AKAP12: variants seen among roughly 807,000 people sequenced by gnomAD.
AKAP12 encodes A-kinase anchoring protein 12, also known as A-kinase anchor protein 12.
Under a neutral mutation model 79.9 loss-of-function variants are expected in AKAP12, and 32 were observed. The ratio of observed to expected loss-of-function variants is 0.40; its 90% CI spans 0.30 to 0.54. The LOEUF is 0.54. Ranked by LOEUF, AKAP12 falls within the 20% of genes least tolerant of loss-of-function variation. AKAP12 has a pLI of 0.48. For missense variants in AKAP12, 2,074 were observed against 2,177.0 expected (o/e 0.95, Z 0.94); for synonymous variants, 808 against 857.0 (o/e 0.94, Z 1.00).
intron 3 of AKAP12, among the ~76,000 whole-genome samples, chr6:151,339,859 T>G (rs1267844885): frequency 6.6e-6 from 1 of 152,210 alleles, no homozygotes; most frequent in Non-Finnish European, 1.5e-5. Context: ...TCAGAGCGTC[T>G]TCTTTTGCTT....
chr6:151,318,502 C>G (rs926151620), intron 3 of AKAP12, among the ~76,000 whole-genome samples: 2 of 152,224 alleles, frequency 1.3e-5, no homozygotes, highest in African/African-American at 2.4e-5. Flanking sequence ...GAATCTGATG[C>G]TGTTTCGAGT....
Position 151,353,375 on chromosome 6 carries a change from C to T in AKAP12, c.4984C>T (p.Pro1662Ser), listed in dbSNP as rs370015435. The change falls in exon 4 of 5, where the codon CCA becomes TCA. Residue 1662 changes from proline (P) to serine (S), a missense_variant. Physicochemically the swap from Pro to Ser is moderately conservative, Grantham distance 74 (BLOSUM62 -1). Transcript: ENST00000402676. The stretch of plus-strand genomic sequence containing the variant: ...TCAGCAGCTGGAAGAGGTCGTCCTC[C>T]CATCTGAGGAAGAGGGAGGTGGAGC... ...NDQQLEEVVL[P>S]SEEEGGGAGT... The T allele has an allele frequency of 2.9e-5, 47 of 1,614,132 alleles. No homozygotes were observed. In the African/African-American group the frequency reaches 5.3e-4, roughly 18 times the overall value.
rs776039993 is a variant in AKAP12 at position 151,352,577 on chromosome 6, C to T, written c.4186C>T (p.Pro1396Ser). Residue 1396 changes from proline (P) to serine (S), a missense_variant, in exon 4 of 5, where the codon CCT becomes TCT. Transcript: ENST00000402676. ...GGAAGTCAGCAGTTTGGAAGGAAGC[C>T]CTCCTCCCTGCCTAGGTCAAGAGGA... ...AKEVSSLEGS[P>S]PPCLGQEEAV... The T allele has an allele frequency of 1.9e-6, 3 of 1,614,114 alleles. No homozygotes were observed. The highest frequency in any genetic ancestry group is 2.2e-5 in the South Asian group (2 of 91,074).
intron 3 of AKAP12, chr6:151,323,984 G>C: frequency 2.0e-6 from 2 of 985,358 alleles, no homozygotes; most frequent in Non-Finnish European, 2.4e-6. Context: ...ATCCCAAGTC[G>C]TCTTTATCCA....
chr6:151,317,747 G>GA (rs1777268009), intron 3 of AKAP12, among the ~76,000 whole-genome samples: 1 of 152,162 alleles, frequency 6.6e-6, no homozygotes, highest in Admixed American at 6.5e-5. Context: ...ATAAAGTGAA[G>GA]AAAACATCAA....
rs573518487 is a variant in AKAP12, at chr6:151,357,259, G to C, written c.*1545G>C. On this transcript the variant is annotated 3_prime_UTR_variant, in exon 5 of 5. Coordinates refer to ENST00000402676, the MANE Select transcript of AKAP12 (RefSeq NM_005100.4). Reference sequence around the variant, plus strand: ...GCTGGAGTGCAATGGCACGATCTCAGCTCACCGCAACCTCCACCTCCCGGA... The same window carrying C: ...GCTGGAGTGCAATGGCACGATCTCACCTCACCGCAACCTCCACCTCCCGGA... The C allele has an allele frequency of 6.6e-6, 1 of 152,474 alleles. No individual in the cohort carries two copies. The highest frequency in any genetic ancestry group is 1.5e-5 in the Non-Finnish European group (1 of 68,304). The allele number at this position is 152,474 out of a possible 1,614,324, so 9.4% of individuals were successfully genotyped here.
chr6:151,256,608 G>A (rs1050418390), intron 2 of AKAP12, among the ~76,000 whole-genome samples: 4 of 151,440 alleles, frequency 2.6e-5, no homozygotes, highest in African/African-American at 9.7e-5. Context: ...TTTTATATAT[G>A]TGTGTGTGTG....
intron 2 of AKAP12, among the ~76,000 whole-genome samples, chr6:151,277,728 A>T (rs961282975): frequency 2.0e-5 from 3 of 152,198 alleles, no homozygotes; most frequent in African/African-American, 7.2e-5. Context: ...TTTGTTCTTC[A>T]ACAAATATAA....
At chr6:151,280,139 T>C (rs191610183) in intron 2 of AKAP12, among the ~76,000 whole-genome samples, 30 of 151,972 alleles carry the variant, frequency 2.0e-4, no homozygotes, top group African/African-American at 6.5e-4. Flanking sequence ...TATACACAGA[T>C]CTGGCTCACT....
At chr6:151,295,723 T>G (rs1422090668) in intron 2 of AKAP12, among the ~76,000 whole-genome samples, 1 of 152,252 alleles carries the variant, frequency 6.6e-6, no homozygotes, top group African/African-American at 2.4e-5. Flanking sequence ...AATGTTGCTG[T>G]TGGGTGAATA....
At chr6:151,340,959 C>G (rs1310260918) in intron 3 of AKAP12, among the ~76,000 whole-genome samples, 1 of 152,210 alleles carries the variant, frequency 6.6e-6, no homozygotes, top group Non-Finnish European at 1.5e-5. Flanking sequence ...GACATCTGTT[C>G]CATTATCGAG....
intron 2 of AKAP12, among the ~76,000 whole-genome samples, chr6:151,265,212 CT>C (rs1797528805): frequency 1.5e-5 from 2 of 133,824 alleles, no homozygotes; most frequent in Admixed American, 1.7e-4. Context: ...TAAATCAAGC[CT>C]CTTTTTTTTT....
chr6:151,356,848 T>C lies in AKAP12; in HGVS notation c.*1134T>C, dbSNP rs1202517771. 6.6e-6 allele frequency: 1 copy of C among 152,140 alleles called. No individual in the cohort carries two copies. The highest frequency in any genetic ancestry group is 2.4e-5 in the African/African-American group (1 of 41,370). 9.4% of individuals were successfully genotyped at this position (152,140 alleles called of 1,614,324 possible). A position where few individuals can be genotyped will look rare whatever the true frequency, so the allele number is the denominator to read the frequency against. ...CACATTAGAATTCTAAAGATAATGA[T>C]TGATAAGCTAGAACTTTCTGATGTA... is the stretch of plus-strand genomic sequence containing the variant. On this transcript the variant is annotated 3_prime_UTR_variant, in exon 5 of 5. Coordinates refer to ENST00000402676, the MANE Select transcript of AKAP12 (RefSeq NM_005100.4).
intron 2 of AKAP12, among the ~76,000 whole-genome samples, chr6:151,269,865 C>T (rs1274375719): frequency 2.6e-5 from 4 of 152,126 alleles, no homozygotes; most frequent in African/African-American, 4.8e-5. Flanking sequence ...ACCCAGTAGC[C>T]GTCACTCTGC....
At chr6:151,316,189 A>T (rs141777339) in intron 3 of AKAP12, among the ~76,000 whole-genome samples, 1 of 152,206 alleles carries the variant, frequency 6.6e-6, no homozygotes, top group African/African-American at 2.4e-5. Flanking sequence ...ATTGTTTTCA[A>T]ATTGCTCTTT....
At chr6:151,308,006 C>G (rs760130284) in intron 3 of AKAP12, among the ~76,000 whole-genome samples, 1 of 151,978 alleles carries the variant, frequency 6.6e-6, no homozygotes, top group Non-Finnish European at 1.5e-5. Flanking sequence ...GCCTCAGCCT[C>G]CTGAGTAGCT....
chr6:151,264,901 C>G (rs772805078), intron 2 of AKAP12, among the ~76,000 whole-genome samples: 7 of 152,036 alleles, frequency 4.6e-5, no homozygotes, highest in Non-Finnish European at 1.0e-4. Flanking sequence ...CTTGTAATCC[C>G]AGCACTTTCG....
chr6:151,349,595 G>A lies in AKAP12; in HGVS notation c.1204G>A (p.Glu402Lys). 2.5e-6 allele frequency: 4 copies of A among 1,611,392 alleles called. No homozygotes were observed. The highest frequency in any genetic ancestry group is 2.7e-5 in the African/African-American group (2 of 74,618). The change falls in exon 4 of 5, where the codon GAA becomes AAA. Residue 402 changes from glutamate to lysine, a missense_variant. Transcript: ENST00000402676. ...SEEKPAPLAT[E>K]VFDEKIEVHQ... Reference sequence around the variant, plus strand: ...AGAGAAACCTGCTCCGTTGGCGACAGAAGTGTTTGATGAGAAAATAGAAGT... The same window carrying A: ...AGAGAAACCTGCTCCGTTGGCGACAAAAGTGTTTGATGAGAAAATAGAAGT...
intron 3 of AKAP12, among the ~76,000 whole-genome samples, chr6:151,321,159 G>A (rs1028215839): frequency 6.6e-6 from 1 of 152,080 alleles, no homozygotes; most frequent in South Asian, 2.1e-4. Context: ...GCTAAATTTT[G>A]TATTTTTAAT....
Sources: allele counts gnomAD v4.1 joint callset (sites outside exome capture counted in the v4.1 genomes callset), GRCh38; gene constraint gnomAD v4.1.1; transcripts MANE v1.5; gene names NCBI Gene and HGNC (gene_info 2026-07-23, HGNC 2026-07-21).